The following YTHDC1 variants were observed in gnomAD, a reference collection of about 807,000 sequenced individuals.
YTHDC1 encodes the protein YTH domain-containing protein 1.
In YTHDC1, 12 loss-of-function variants were observed where a neutral mutation model predicts 107.0. The ratio of observed to expected loss-of-function variants is 0.11; its 90% CI spans 0.07 to 0.18. YTHDC1 has a LOEUF of 0.18. Ranked by LOEUF, YTHDC1 falls within the 10% of genes least tolerant of loss-of-function variation. YTHDC1 has a pLI of 1.00. For missense variants in YTHDC1, 635 were observed against 898.8 expected (o/e 0.71, Z 3.75); for synonymous variants, 280 against 289.5 (o/e 0.97, Z 0.33).
At position 68,322,662 on chromosome 4, in the gene YTHDC1, C is replaced by T. The variant is rs1026342443; in HGVS notation, c.1601+87G>A. 19 of 1,458,578 alleles carry T rather than the reference C, an allele frequency of 1.3e-5. No individual in the cohort carries two copies. The highest frequency in any genetic ancestry group is 4.8e-5 in the East Asian group (2 of 41,668). The allele number at this position is 1,458,578 out of a possible 1,614,324, so 90.4% of individuals were successfully genotyped here. On this transcript the variant is annotated intron_variant, in intron 11 of 16. Transcript: ENST00000344157. The surrounding 1 kb of genome is among the most constrained non-coding windows in gnomAD (Gnocchi z 4.8). The stretch of plus-strand genomic sequence containing the variant: ...TGAGGATTTTCTCTTTCTTCTTTAC[C>T]GCAGGACAAACTTTTGACGAATCAT...
intron 5 of YTHDC1, 73 bp from the exon 6 acceptor site, chr4:68,332,920 C>G: frequency 7.6e-7 from 1 of 1,314,650 alleles, no homozygotes; most frequent in Non-Finnish European, 1.1e-6. Flanking sequence ...ACAGTCTTGT[C>G]ACATAAAATT....
intron 1 of YTHDC1, among the ~76,000 whole-genome samples, chr4:68,345,619 C>G (rs1298542899): frequency 1.3e-5 from 2 of 152,016 alleles, no homozygotes; most frequent in East Asian, 3.9e-4. Flanking sequence ...AATTTAAGTG[C>G]AAAGATATCA....
chr4:68,310,539 A>G lies in YTHDC1; in HGVS notation c.*3560T>C, dbSNP rs1277425577. The G allele has an allele frequency of 6.6e-6, 1 of 152,206 alleles. No individual in the cohort carries two copies. The highest frequency in any genetic ancestry group is 2.4e-5 in the African/African-American group (1 of 41,450). 9.4% of individuals were successfully genotyped at this position (152,206 alleles called of 1,614,324 possible). A position where few individuals can be genotyped will look rare whatever the true frequency, so the allele number is the denominator to read the frequency against. On this transcript the variant is annotated 3_prime_UTR_variant, in exon 17 of 17. Coordinates refer to ENST00000344157, the MANE Select transcript of YTHDC1 (RefSeq NM_001031732.4). ...AGAGATTAAATGATCTACATGATAG[A>G]TAACAGAATACTATGCATGGATTGC...
chr4:68,315,372 C>T lies in YTHDC1; in HGVS notation c.1959+942G>A, dbSNP rs530243559. 8.5e-5 allele frequency among the ~76,000 whole-genome samples: 13 copies of T among 152,218 alleles called. No individual in the cohort carries two copies. The East Asian group carries it at 1.9e-3, about 23-fold the overall frequency. On this transcript the variant is annotated intron_variant, in intron 16 of 16. Transcript: ENST00000344157. ...CACAAAAAAATGTCTCAAAGATAGG[C>T]TAGAAAGCTGCTCTGATTCTCACAA...
At chr4:68,315,239 T>C (rs144840359) in intron 16 of YTHDC1, among the ~76,000 whole-genome samples, 5 of 152,290 alleles carry the variant, frequency 3.3e-5, no homozygotes, top group African/African-American at 9.6e-5. Flanking sequence ...AATTTAAAGT[T>C]TGTGAATTAG....
chr4:68,322,705 T>C lies in YTHDC1; in HGVS notation c.1601+44A>G, dbSNP rs368505910. On this transcript the variant is annotated intron_variant, in intron 11 of 16. Transcript: ENST00000344157. This position sits in a 1 kb window ranked among gnomAD's most constrained non-coding sequence, Gnocchi z 4.8. ...CGAATCATATTCCTCCATCATGTTA[T>C]TCTGATACATGTGCCTATTATCAGT... The C allele has an allele frequency of 6.3e-7, 1 of 1,595,530 alleles. No homozygotes were observed. The highest frequency in any genetic ancestry group is 1.1e-5 in the South Asian group (1 of 89,166).
At chr4:68,321,047 G>A (rs1027402217) in intron 11 of YTHDC1, among the ~76,000 whole-genome samples, 1 of 151,638 alleles carries the variant, frequency 6.6e-6, no homozygotes, top group African/African-American at 2.4e-5. Context: ...TCCATAAATC[G>A]GGTTAACTTA....
rs1722529108 is a variant in YTHDC1 at position 68,322,356 on chromosome 4, T to TA, written c.1601+392dup. 6.1e-6 allele frequency: 1 copy of TA among 164,018 alleles called. No individual in the cohort carries two copies. The highest frequency in any genetic ancestry group is 2.0e-4 in the South Asian group (1 of 5,054). 10.2% of individuals were successfully genotyped at this position (164,018 alleles called of 1,614,324 possible). A position where few individuals can be genotyped will look rare whatever the true frequency, so the allele number is the denominator to read the frequency against. On this transcript the variant is annotated intron_variant, in intron 11 of 16. Transcript: ENST00000344157. The surrounding 1 kb of genome is among the most constrained non-coding windows in gnomAD (Gnocchi z 4.8). ...ATCTGATAAGGCTTATCCAGAGACA[T>TA]ACCTGAAAGAAAAGGCTTTTTAAAA...
Position 68,346,100 on chromosome 4 carries a change from T to TATATACAC in YTHDC1, c.28+3625_28+3626insGTGTATAT, listed in dbSNP as rs144743953. On this transcript the variant is annotated intron_variant, in intron 1 of 16. Transcript: ENST00000344157. Reference sequence around the variant, plus strand: ...GTACATATATATATATATATATATATACACACACACCTGCATGTAACCGTC... The same window carrying TATATACAC: ...GTACATATATATATATATATATATATATATACACACACACACACCTGCATGTAACCGTC... Among the ~76,000 whole-genome samples the TATATACAC allele has an allele frequency of 8.3e-4, 112 of 134,150 alleles. 3 individuals carry two copies. Among genetic ancestry groups the TATATACAC allele is most frequent in the South Asian group, 5.9e-3 (26 of 4,378 alleles). The allele number at this position is 134,150 out of a possible 152,430, so 88.0% of individuals were successfully genotyped here. A position where few individuals can be genotyped will look rare whatever the true frequency, so the allele number is the denominator to read the frequency against.
intron 1 of YTHDC1, among the ~76,000 whole-genome samples, chr4:68,348,496 C>T (rs938706120): frequency 6.8e-6 from 1 of 148,108 alleles, no homozygotes; most frequent in Non-Finnish European, 1.5e-5. Flanking sequence ...AAAAAAAGGC[C>T]CAGGGAGATT....
At position 68,312,577 on chromosome 4, in the gene YTHDC1, C is replaced by T. The variant is rs1721389385; in HGVS notation, c.*1522G>A. 6.6e-6 allele frequency: 1 copy of T among 152,166 alleles called. No individual in the cohort carries two copies. The allele number at this position is 152,166 out of a possible 1,614,324, so 9.4% of individuals were successfully genotyped here. Reference sequence around the variant, plus strand: ...ACAAATCCTCAGGCTTTAGTTTTGTCATTGTAAATAAAACTTCTGTGAATG... The same window carrying T: ...ACAAATCCTCAGGCTTTAGTTTTGTTATTGTAAATAAAACTTCTGTGAATG... On this transcript the variant is annotated 3_prime_UTR_variant, in exon 17 of 17. Transcript: ENST00000344157.
chr4:68,342,917 A>G (rs973104644), intron 1 of YTHDC1, among the ~76,000 whole-genome samples: 1 of 152,198 alleles, frequency 6.6e-6, no homozygotes, highest in Non-Finnish European at 1.5e-5. Context: ...CTACCTGAAC[A>G]AACGTTTTTA....
intron 4 of YTHDC1, among the ~76,000 whole-genome samples, chr4:68,335,573 CTTTG>C (rs1362455147): frequency 6.6e-6 from 1 of 152,136 alleles, no homozygotes; most frequent in South Asian, 2.1e-4. Context: ...AGTAAGTTCC[CTTTG>C]TTTAATGTAA....
At chr4:68,337,480 G>A in intron 3 of YTHDC1, 30 bp from the exon 4 acceptor site, 1 of 1,607,946 alleles carries the variant, frequency 6.2e-7, no homozygotes, top group Non-Finnish European at 8.5e-7. Context: ...GGAATCAGCA[G>A]TCATATAAAA....
At chr4:68,341,895 A>G (rs1724843765) in intron 1 of YTHDC1, among the ~76,000 whole-genome samples, 1 of 152,172 alleles carries the variant, frequency 6.6e-6, no homozygotes, top group South Asian at 2.1e-4. Context: ...GGGAAAGGAA[A>G]AGCAGGACAT....
rs938223125 is a variant in YTHDC1, at chr4:68,312,573, T to C, written c.*1526A>G. 1 of 152,228 alleles carries C rather than the reference T, an allele frequency of 6.6e-6. No homozygotes were observed. The highest frequency in any genetic ancestry group is 1.5e-5 in the Non-Finnish European group (1 of 68,032). The allele number at this position is 152,228 out of a possible 1,614,324, so 9.4% of individuals were successfully genotyped here. On this transcript the variant is annotated 3_prime_UTR_variant, in exon 17 of 17. Coordinates refer to ENST00000344157, the MANE Select transcript of YTHDC1 (RefSeq NM_001031732.4). ...TAAAACAAATCCTCAGGCTTTAGTT[T>C]TGTCATTGTAAATAAAACTTCTGTG...
chr4:68,319,687 A>G (rs1201273604), intron 12 of YTHDC1, among the ~76,000 whole-genome samples: 1 of 152,128 alleles, frequency 6.6e-6, no homozygotes. Context: ...TTTAGATTAC[A>G]TACCGAGTAT....
In YTHDC1 at chr4:68,313,440, G is replaced by C. The variant is rs1310862641; in HGVS notation, c.*659C>G. ...TCCAAGCCAATGTATACAATTTGGA[G>C]GGGAAGGCTAAACAATAGCATCAAC... On this transcript the variant is annotated 3_prime_UTR_variant, in exon 17 of 17. Transcript: ENST00000344157. The C allele has an allele frequency of 1.3e-5, 2 of 152,644 alleles. No individual in the cohort carries two copies. Among genetic ancestry groups the C allele is most frequent in the Admixed American group, 6.5e-5 (1 of 15,276 alleles). 9.5% of individuals were successfully genotyped at this position (152,644 alleles called of 1,614,324 possible).
At chr4:68,323,013 T>C (rs2109692856) in intron 10 of YTHDC1, 98 bp from the exon 11 acceptor site, 1 of 1,235,294 alleles carries the variant, frequency 8.1e-7, no homozygotes, top group South Asian at 1.5e-5. Flanking sequence ...CTTGGAAGCT[T>C]TCTTCCCAAG....
Sources: gnomAD v4.1 joint callset for allele counts (sites outside exome capture counted in the v4.1 genomes callset) on GRCh38, gnomAD v4.1.1 for gene constraint, Gnocchi (gnomAD v3.1) non-coding constraint, MANE v1.5 for transcripts, NCBI Gene and HGNC (gene_info 2026-07-23, HGNC 2026-07-21) for gene names.